IST1: variants seen among roughly 807,000 people sequenced by gnomAD.
IST1 encodes the protein IST1 factor associated with ESCRT-III.
In IST1, 23 loss-of-function variants were observed where a neutral mutation model predicts 37.0. The observed-to-expected ratio is 0.62, with a 90% CI of 0.45 to 0.88. The LOEUF (loss-of-function observed/expected upper bound fraction) is 0.88, where lower values mean the gene tolerates loss of function less well. Among genes scored for constraint, IST1 ranks in the 40% least tolerant of loss-of-function variants. The pLI is 0.00. For missense variants in IST1, 488 were observed against 445.4 expected, an observed-to-expected ratio of 1.10 and a Z score of -0.86; for synonymous variants, 180 against 161.7, an observed-to-expected ratio of 1.11 and a Z score of -0.86.
rs1240767976 is a variant in IST1 at position 71,922,644 on chromosome 16, A to G, written c.723A>G (p.Ala241=). The part of the protein sequence containing the change: ...PMPMPMPMPS[A]NTPFSYPLPK... ...CCATGCCCATGCCTATGCCATCTGC[A>G]AATACGCCTTTCTCATATCCACTGC... Residue 241 remains alanine (A), a synonymous_variant, in exon 7 of 10, where the codon GCA becomes GCG. Coordinates refer to ENST00000378799, the MANE Select transcript of IST1 (RefSeq NM_001270975.2). 2 of 1,613,792 alleles carry G rather than the reference A, an allele frequency of 1.2e-6. No homozygotes were observed. The highest frequency in any genetic ancestry group is 1.7e-5 in the Admixed American group (1 of 59,926).
At position 71,928,090 on chromosome 16, in the gene IST1, G is replaced by T. The variant is rs553064272; in HGVS notation, c.*277G>T. On this transcript the variant is annotated 3_prime_UTR_variant, in exon 10 of 10. Coordinates refer to ENST00000378799, the MANE Select transcript of IST1 (RefSeq NM_001270975.2). ...GTGATCCCAGGTTTCCTCCTGGCCCGTCCCATGGTCCCTCCACAGGAGTGT... is the reference window on the plus strand; with the variant it reads ...GTGATCCCAGGTTTCCTCCTGGCCCTTCCCATGGTCCCTCCACAGGAGTGT... 4.8e-6 allele frequency: 2 copies of T among 414,980 alleles called. No homozygotes were observed. The highest frequency in any genetic ancestry group is 9.0e-6 in the Non-Finnish European group (2 of 221,632). The allele number at this position is 414,980 out of a possible 1,614,324, so 25.7% of individuals were successfully genotyped here.
chr16:71,895,945 A>G (rs1244777505), intron 1 of IST1, among the ~76,000 whole-genome samples: 1 of 152,168 alleles, frequency 6.6e-6, no homozygotes. Context: ...CTCCTCGGCG[A>G]CACCCCTACC....
intron 1 of IST1, among the ~76,000 whole-genome samples, chr16:71,898,371 A>G (rs896587890): frequency 2.6e-4 from 10 of 38,896 alleles, no homozygotes; most frequent in Non-Finnish European, 3.3e-4. Flanking sequence ...TCTCTCTCAG[A>G]AAAAAAAAAA....
rs900842642 is a variant in IST1 at position 71,929,575 on chromosome 16, A to G, written c.*1762A>G. On this transcript the variant is annotated 3_prime_UTR_variant, in exon 10 of 10. Coordinates refer to ENST00000378799, the MANE Select transcript of IST1 (RefSeq NM_001270975.2). ...ATCTAAAACTTCAGTGTCACTGCCC[A>G]CTGCTGTCGTGGCTGCTTGCTCAGA... 2.6e-5 allele frequency: 41 copies of G among 1,551,418 alleles called. No individual in the cohort carries two copies. The highest frequency in any genetic ancestry group is 3.5e-5 in the Non-Finnish European group (40 of 1,146,942).
chr16:71,921,639 A>C (rs1351130431), intron 6 of IST1, 186 bp downstream of exon 6: 3 of 534,158 alleles, frequency 5.6e-6, no homozygotes, highest in Non-Finnish European at 1.0e-5. Context: ...GATGAATGAC[A>C]ACACTTTGAG....
intron 1 of IST1, among the ~76,000 whole-genome samples, chr16:71,902,170 C>G (rs1248217391): frequency 6.6e-6 from 1 of 152,166 alleles, no homozygotes; most frequent in African/African-American, 2.4e-5. Context: ...TGTGAAGGTT[C>G]ATGTAATATT....
intron 4 of IST1, among the ~76,000 whole-genome samples, chr16:71,920,530 T>A (rs2037556117): frequency 6.6e-6 from 1 of 152,176 alleles, no homozygotes; most frequent in African/African-American, 2.4e-5. Context: ...ATAATACTCA[T>A]GATAGTGTTT....
chr16:71,917,103 G>T lies in IST1; in HGVS notation c.326G>T (p.Arg109Leu). Residue 109 changes from arginine to leucine, a missense_variant, in exon 4 of 10, where the codon CGA becomes CTA. Arg to Leu is a moderately radical substitution (Grantham distance 102, BLOSUM62 -2). Around this residue, in one of 2 missense-constraint regions of IST1, gnomAD observed 455 missense variants for 386.2 expected, o/e 1.18. Coordinates refer to ENST00000378799, the MANE Select transcript of IST1 (RefSeq NM_001270975.2). ...SVSTLIWAAPRLQSEVAELKI... is the reference protein window; with the variant it reads ...SVSTLIWAAPLLQSEVAELKI... ...TCTACATTGATCTGGGCTGCTCCTC[G>T]ACTCCAGTCAGAAGTGGCTGAGTTG... 6.2e-7 allele frequency: 1 copy of T among 1,612,128 alleles called. No individual in the cohort carries two copies. The highest frequency in any genetic ancestry group is 1.1e-5 in the South Asian group (1 of 90,856).
intron 1 of IST1, among the ~76,000 whole-genome samples, chr16:71,901,491 G>A (rs1420184511): frequency 1.3e-5 from 2 of 152,196 alleles, no homozygotes; most frequent in Non-Finnish European, 2.9e-5. Context: ...GGGATTACAG[G>A]TGTGAGCCAC....
intron 1 of IST1, among the ~76,000 whole-genome samples, chr16:71,911,910 G>GT (rs984054701): frequency 2.6e-5 from 4 of 151,846 alleles, no homozygotes; most frequent in African/African-American, 9.7e-5. Flanking sequence ...TACAGTTGGA[G>GT]TTTCACCATG....
At chr16:71,911,171 G>A (rs948824531) in intron 1 of IST1, among the ~76,000 whole-genome samples, 4 of 152,080 alleles carry the variant, frequency 2.6e-5, no homozygotes, top group African/African-American at 7.2e-5. Context: ...AACCCAGGAG[G>A]CAGAGGTTGC....
chr16:71,915,738 G>T lies in IST1; in HGVS notation c.88+10G>T. On this transcript the variant is annotated intron_variant, in intron 2 of 9. Transcript: ENST00000378799. ...TTGGAGAAAAAGAAAAGTGAGTAGTGTACTTTTTTTCCCCAAAAATAAATC... is the reference window on the plus strand; with the variant it reads ...TTGGAGAAAAAGAAAAGTGAGTAGTTTACTTTTTTTCCCCAAAAATAAATC... 1 of 1,565,216 alleles carries T rather than the reference G, an allele frequency of 6.4e-7. No homozygotes were observed. Among genetic ancestry groups the T allele is most frequent in the Non-Finnish European group, 8.8e-7 (1 of 1,138,312 alleles).
At chr16:71,921,547 G>A (rs116954136) in intron 6 of IST1, 94 bp downstream of exon 6, 1 of 742,190 alleles carries the variant, frequency 1.3e-6, no homozygotes, top group Admixed American at 2.3e-5. Context: ...ACTTAAATTT[G>A]TGTGAGTTTA....
chr16:71,913,221 AC>A (rs869294495), intron 1 of IST1, among the ~76,000 whole-genome samples: 1 of 151,406 alleles, frequency 6.6e-6, no homozygotes, highest in East Asian at 1.9e-4. Context: ...TTGCAATCCC[AC>A]CAACAGTGCA....
chr16:71,912,398 T>C lies in IST1; in HGVS notation c.-15-3228T>C, dbSNP rs1189597810. 2.0e-5 allele frequency among the ~76,000 whole-genome samples: 3 copies of C among 152,214 alleles called. No individual in the cohort carries two copies. The East Asian group carries it at 5.8e-4, about 29-fold the overall frequency. On this transcript the variant is annotated intron_variant, in intron 1 of 9. Transcript: ENST00000378799. ...GACTACAGGCGCCCGCCACCATGCC[T>C]GGCTAATTTTTTGTATTTTTAGTGG...
chr16:71,921,044 T>G, intron 5 of IST1: 1 of 616,920 alleles, frequency 1.6e-6, no homozygotes, highest in Non-Finnish European at 2.9e-6. Flanking sequence ...CCACTTTGTA[T>G]GCCTCGTGTC....
At position 71,922,907 on chromosome 16, in the gene IST1, A is replaced by G. The variant is rs554833337; in HGVS notation, c.759+227A>G. 8 of 585,244 alleles carry G rather than the reference A, an allele frequency of 1.4e-5. No homozygotes were observed. In the South Asian group the frequency reaches 1.6e-4, roughly 12 times the overall value. 36.3% of individuals were successfully genotyped at this position (585,244 alleles called of 1,614,324 possible). ...AGTTGGTGCTAGAAAAACACTTTTC[A>G]TATAGGTTTACTGAATATCTTTGGG... On this transcript the variant is annotated intron_variant, in intron 7 of 9. Transcript: ENST00000378799.
chr16:71,901,101 GTTA>G (rs1037289465), intron 1 of IST1, among the ~76,000 whole-genome samples: 4 of 152,086 alleles, frequency 2.6e-5, no homozygotes. Context: ...TAACTTTTAG[GTTA>G]TTATTTCCAA....
In IST1 at chr16:71,898,662, T is replaced by TA. The variant is rs60932200; in HGVS notation, c.-16+3089dup. ...TGGGCCACAGAGTGAGACTCTGTCTTAAAAAAAAAAAAAAAACAAAAAAGG... is the reference window on the plus strand; with the variant it reads ...TGGGCCACAGAGTGAGACTCTGTCTTAAAAAAAAAAAAAAAAACAAAAAAGG... On this transcript the variant is annotated intron_variant, in intron 1 of 9. Coordinates refer to ENST00000378799, the MANE Select transcript of IST1 (RefSeq NM_001270975.2). Among the ~76,000 whole-genome samples the TA allele has an allele frequency of 6.3e-3, 823 of 130,912 alleles. 1 individual carries two copies. The highest frequency in any genetic ancestry group is 9.0e-3 in the Non-Finnish European group (557 of 61,850). The allele number at this position is 130,912 out of a possible 152,430, so 85.9% of individuals were successfully genotyped here. A position where few individuals can be genotyped will look rare whatever the true frequency, so the allele number is the denominator to read the frequency against.
Sources: gnomAD v4.1 joint callset for allele counts (sites outside exome capture counted in the v4.1 genomes callset) on GRCh38, gnomAD v4.1.1 for gene constraint, gnomAD v4.1.1 regional missense constraint, MANE v1.5 for transcripts, NCBI Gene and HGNC (gene_info 2026-07-23, HGNC 2026-07-21) for gene names.